Variants in SDK1 observed in about 807,000 individuals in gnomAD.
SDK1 encodes sidekick cell adhesion molecule 1, also known as protein sidekick-1.
In SDK1, 157 loss-of-function variants were observed where a neutral mutation model predicts 245.5. That is an observed-to-expected ratio of 0.64 (90% CI 0.56 to 0.73). The LOEUF (loss-of-function observed/expected upper bound fraction) is 0.73, where lower values mean the gene tolerates loss of function less well. Ranked by LOEUF, SDK1 falls within the 30% of genes least tolerant of loss-of-function variation. The probability of loss-of-function intolerance (pLI) is 0.00; values close to 1 mark genes in which losing one functional copy is unlikely to be tolerated. For synonymous variants in SDK1, 1,647 were observed against 1,278.5 expected (o/e 1.29, Z -6.15); for missense variants, 3,583 against 3,002.3 (o/e 1.19, Z -4.52).
intron 35 of SDK1, 65 bp downstream of exon 35, chr7:4,178,651 C>A: frequency 8.5e-7 from 1 of 1,180,984 alleles, no homozygotes; most frequent in Non-Finnish European, 1.3e-6. Context: ...CAGCCAGGCA[C>A]GCTGCGGCCA....
At chr7:3,868,346 C>G (rs1411095728) in intron 5 of SDK1, among the ~76,000 whole-genome samples, 6 of 152,120 alleles carry the variant, frequency 3.9e-5, no homozygotes, top group Non-Finnish European at 8.8e-5. Context: ...TTATTAAATA[C>G]CATCAAGCGG....
intron 1 of SDK1, among the ~76,000 whole-genome samples, chr7:3,608,961 G>T (rs985044968): frequency 6.6e-6 from 1 of 152,146 alleles, no homozygotes; most frequent in African/African-American, 2.4e-5. Context: ...CATATTACAA[G>T]AGACTAAATG....
At chr7:3,317,198 A>C (rs1304224187) in intron 1 of SDK1, among the ~76,000 whole-genome samples, 1 of 151,164 alleles carries the variant, frequency 6.6e-6, no homozygotes, top group Non-Finnish European at 1.5e-5. Context: ...AAAAAAAAAA[A>C]AAAAAAAAAA....
chr7:3,666,559 C>T (rs973103533), intron 4 of SDK1, among the ~76,000 whole-genome samples: 4 of 152,186 alleles, frequency 2.6e-5, no homozygotes, highest in African/African-American at 7.2e-5. Flanking sequence ...GTCTTGTCTG[C>T]CGTGTGCTGC....
chr7:4,053,004 T>G (rs1196965310), intron 19 of SDK1, among the ~76,000 whole-genome samples: 2 of 150,672 alleles, frequency 1.3e-5, no homozygotes, highest in South Asian at 4.2e-4. Flanking sequence ...GGAGAATCAC[T>G]TGAACCCAGG....
chr7:3,684,949 A>G (rs73300296), intron 4 of SDK1, among the ~76,000 whole-genome samples: 1,912 of 152,252 alleles, frequency 0.013, 39 homozygotes, highest in African/African-American at 0.044. Context: ...AACAACTAAG[A>G]AAAAATAGAT....
At position 4,205,949 on chromosome 7, in the gene SDK1, C is replaced by T. The variant is rs1784196059; in HGVS notation, c.5169C>T (p.Asp1723=). ...CCAGCCAGCTGGAGGTCACGTGGGA[C>T]CCACCACCCCCGGAGAGCCAGAATG... is the stretch of plus-strand genomic sequence containing the variant. ...LTASQLEVTW[D]PPPPESQNGN... is the part of the protein sequence containing the mutation. Residue 1723 remains aspartate (D), a synonymous_variant, in exon 36 of 45, where the codon GAC becomes GAT. Transcript: ENST00000404826. The T allele has an allele frequency of 1.9e-6, 3 of 1,563,068 alleles. No homozygotes were observed. The East Asian group carries it at 7.2e-5, about 37-fold the overall frequency.
At chr7:4,220,039 C>T (rs190089501) in intron 38 of SDK1, 70 bp from the exon 39 acceptor site, 26,664 of 1,538,782 alleles carry the variant, frequency 0.017, 274 homozygotes, top group Non-Finnish European at 0.021. Context: ...GTTATCGCAA[C>T]AGAACAGACA....
intron 36 of SDK1, among the ~76,000 whole-genome samples, chr7:4,206,830 C>A (rs1784252232): frequency 6.6e-6 from 1 of 152,090 alleles, no homozygotes; most frequent in African/African-American, 2.4e-5. Context: ...GGGCTAGCCT[C>A]CCCTAATGAC....
Position 4,237,754 on chromosome 7 carries a change from C to T in SDK1, c.6100C>T (p.Gln2034Ter). The stretch of plus-strand genomic sequence containing the variant: ...GGTGTTCGCCCTCGTCCTGCACGGG[C>T]AGAATAAGAAGTATAAGAACTGCAG... ...LVVFALVLHG[Q>*]NKKYKNCSTG... The change falls in exon 42 of 45, where the codon CAG (glutamine) becomes TAG (stop). Residue 2034 changes from glutamine to a stop codon, truncating the protein, a stop_gained. Transcript: ENST00000404826. LOFTEE classifies it high-confidence loss of function. 1.9e-6 allele frequency: 3 copies of T among 1,614,114 alleles called. No homozygotes were observed. The highest frequency in any genetic ancestry group is 2.5e-6 in the Non-Finnish European group (3 of 1,180,028).
intron 1 of SDK1, among the ~76,000 whole-genome samples, chr7:3,491,704 T>A (rs1342630378): frequency 6.6e-6 from 1 of 152,224 alleles, no homozygotes; most frequent in African/African-American, 2.4e-5. Context: ...TTAGCTATTG[T>A]CTCTTTGCTC....
intron 4 of SDK1, among the ~76,000 whole-genome samples, chr7:3,651,193 A>G (rs1212450774): frequency 6.8e-6 from 1 of 147,724 alleles, no homozygotes; most frequent in Non-Finnish European, 1.5e-5. Flanking sequence ...TTGTAATCCC[A>G]CCAGCAATGT....
chr7:3,422,701 A>C (rs1329840411), intron 1 of SDK1, among the ~76,000 whole-genome samples: 1 of 152,184 alleles, frequency 6.6e-6, no homozygotes, highest in Non-Finnish European at 1.5e-5. Context: ...AATGATTGAA[A>C]ACCCTACTCT....
chr7:3,369,127 C>G (rs6962043), intron 1 of SDK1, among the ~76,000 whole-genome samples: 15,966 of 152,126 alleles, frequency 0.1, 1,098 homozygotes, highest in African/African-American at 0.19. Context: ...TCACTGCAAC[C>G]TCTGCCTCCC....
chr7:3,801,439 T>G (rs975503673), intron 4 of SDK1, among the ~76,000 whole-genome samples: 9 of 152,222 alleles, frequency 5.9e-5, no homozygotes, highest in Admixed American at 1.3e-4. Context: ...ATTCACTAAC[T>G]GACCTCAGCT....
At chr7:4,076,409 A>G (rs1351588108) in intron 20 of SDK1, among the ~76,000 whole-genome samples, 1 of 152,160 alleles carries the variant, frequency 6.6e-6, no homozygotes, top group East Asian at 1.9e-4. Context: ...ACAAAAAATT[A>G]GCCAGGCATG....
At chr7:4,244,775 C>G (rs1229268982) in intron 43 of SDK1, among the ~76,000 whole-genome samples, 2 of 152,038 alleles carry the variant, frequency 1.3e-5, no homozygotes, top group African/African-American at 2.4e-5. Context: ...CAAGCTCATT[C>G]AGCCTGCTGG....
At chr7:3,929,498 C>T (rs1779899319) in intron 5 of SDK1, among the ~76,000 whole-genome samples, 1 of 152,206 alleles carries the variant, frequency 6.6e-6, no homozygotes, top group African/African-American at 2.4e-5. Context: ...ATAAATAGGG[C>T]TCCTGTGTTT....
chr7:3,346,440 G>C (rs921169697), intron 1 of SDK1, among the ~76,000 whole-genome samples: 1 of 152,138 alleles, frequency 6.6e-6, no homozygotes, highest in Non-Finnish European at 1.5e-5. Flanking sequence ...GATCGATGAA[G>C]CTACTTCAGA....
Sources: gnomAD v4.1 joint callset for allele counts (sites outside exome capture counted in the v4.1 genomes callset) on GRCh38, gnomAD v4.1.1 for gene constraint, MANE v1.5 for transcripts, NCBI Gene and HGNC (gene_info 2026-07-23, HGNC 2026-07-21) for gene names.